Variants in NOTCH1 observed in about 807,000 individuals in gnomAD.
NOTCH1 encodes the protein notch receptor 1.
A neutral mutation model predicts 254.8 loss-of-function variants in NOTCH1; 37 were observed. That is an observed-to-expected ratio of 0.15 (90% confidence interval 0.11 to 0.19). The LOEUF (loss-of-function observed/expected upper bound fraction) is 0.19, where lower values mean the gene tolerates loss of function less well. Ranked by LOEUF, NOTCH1 falls within the 10% of genes least tolerant of loss-of-function variation. NOTCH1 has a pLI of 1.00. For missense variants in NOTCH1, 2,972 were observed against 3,708.6 expected (o/e 0.80, Z 5.16); for synonymous variants, 1,731 against 1,618.1 (o/e 1.07, Z -1.68).
At chr9:136,544,423 G>C (rs952400879) in intron 1 of NOTCH1, among the ~76,000 whole-genome samples, 5 of 152,190 alleles carry the variant, frequency 3.3e-5, no homozygotes, top group African/African-American at 1.2e-4. Flanking sequence ...GAAAAGCAGA[G>C]ACAAAGTGGG....
intron 9 of NOTCH1, 113 bp downstream of exon 9, chr9:136,517,159 A>C: frequency 1.5e-6 from 1 of 665,150 alleles, no homozygotes; most frequent in East Asian, 2.9e-5. Flanking sequence ...CTCACCCCTC[A>C]GGAGGCCGGG....
At chr9:136,532,776 G>A (rs956397308) in intron 2 of NOTCH1, among the ~76,000 whole-genome samples, 7 of 152,184 alleles carry the variant, frequency 4.6e-5, no homozygotes, top group African/African-American at 1.2e-4. Context: ...GCCCGGGGTC[G>A]CACGGCCCAC....
At chr9:136,525,336 C>CA (rs1279490187) in intron 2 of NOTCH1, among the ~76,000 whole-genome samples, 4 of 152,240 alleles carry the variant, frequency 2.6e-5, no homozygotes, top group African/African-American at 7.2e-5. Flanking sequence ...CTGCCCCCCC[C>CA]AGCCACCTGC....
Position 136,505,653 on chromosome 9 carries a change from G to A in NOTCH1, c.4243C>T (p.Leu1415=), listed in dbSNP as rs910378767. The A allele has an allele frequency of 3.1e-6, 5 of 1,612,156 alleles. No individual in the cohort carries two copies. The highest frequency in any genetic ancestry group is 1.1e-5 in the South Asian group (1 of 91,038). Residue 1415 remains leucine, a synonymous_variant, in exon 25 of 34, where the codon CTG becomes TTG. Transcript: ENST00000651671. ...AGCCCGTTGAATTTGGCGGGGCACA[G>A]GCAACGGTAGAAGGGGCTCTCGGAT... The part of the protein sequence containing the change: ...PTSESPFYRC[L]CPAKFNGLLC...
chr9:136,529,848 C>T (rs749944234), intron 2 of NOTCH1, among the ~76,000 whole-genome samples: 3 of 152,256 alleles, frequency 2.0e-5, no homozygotes, highest in Non-Finnish European at 4.4e-5. Flanking sequence ...CACCACCAGG[C>T]CTGTTCACCG....
intron 26 of NOTCH1, 42 bp downstream of exon 26, chr9:136,504,631 G>T (rs760109648): frequency 1.4e-5 from 20 of 1,476,352 alleles, no homozygotes; most frequent in Non-Finnish European, 1.8e-5. Context: ...GAGGGCCCAG[G>T]AGAGTTGCGG....
rs1843796762 is a variant in NOTCH1 at position 136,545,215 on chromosome 9, G to A, written c.61+511C>T. On this transcript the variant is annotated intron_variant, in intron 1 of 33. Coordinates refer to ENST00000651671, the MANE Select transcript of NOTCH1 (RefSeq NM_017617.5). This position sits in a 1 kb window ranked among gnomAD's most constrained non-coding sequence, Gnocchi z 6.8. ...CGGGCGGGGCGACCGGGAGCCCGGG[G>A]ACCCAGCCCGGCCGCGCGGGTCAGT... Among the ~76,000 whole-genome samples, 1 of 152,044 alleles carries A rather than the reference G, an allele frequency of 6.6e-6. No individual in the cohort carries two copies. Among genetic ancestry groups the A allele is most frequent in the East Asian group, 1.9e-4 (1 of 5,166 alleles).
intron 4 of NOTCH1, among the ~76,000 whole-genome samples, chr9:136,519,978 G>A (rs1843341089): frequency 6.6e-6 from 1 of 152,178 alleles, no homozygotes; most frequent in African/African-American, 2.4e-5. Flanking sequence ...CATGGGGCCA[G>A]CAGGCTGCTG....
rs2133328590 is a variant in NOTCH1, at chr9:136,501,777, T to G, written c.5609A>C (p.Asp1870Ala). Residue 1870 changes from aspartate (D) to alanine (A), a missense_variant, in exon 30 of 34, where the codon GAC becomes GCC. Asp to Ala is a moderately radical substitution (Grantham distance 126, BLOSUM62 -2). Around this residue, in one of 8 missense-constraint regions of NOTCH1, gnomAD observed 421 missense variants for 604.4 expected, o/e 0.70. Transcript: ENST00000651671. ...CCCGCGGACATTGACGTCCATGCAG[T>G]CGGCGTCAACCTCACCCTGGGGCGG... ...PTPPQGEVDA[D>A]CMDVNVRGPD... The G allele has an allele frequency of 5.6e-6, 9 of 1,612,492 alleles. No homozygotes were observed. The highest frequency in any genetic ancestry group is 6.8e-6 in the Non-Finnish European group (8 of 1,179,960).
rs3812597 is a variant in NOTCH1 at position 136,499,139 on chromosome 9, C to T, written c.6055G>A (p.Ala2019Thr). Reference protein sequence around the residue: ...GMLEDLINSHADVNAVDDLGK... With the variant: ...GMLEDLINSHTDVNAVDDLGK... Reference sequence around the variant, plus strand: ...AGGTCATCTACGGCGTTGACGTCGGCGTGTGAGTTGATGAGGTCCTCCAGC... The same window carrying T: ...AGGTCATCTACGGCGTTGACGTCGGTGTGTGAGTTGATGAGGTCCTCCAGC... The change falls in exon 32 of 34, where the codon GCC becomes ACC. Residue 2019 changes from alanine to threonine, a missense_variant. Coordinates refer to ENST00000651671, the MANE Select transcript of NOTCH1 (RefSeq NM_017617.5). The T allele has an allele frequency of 8.1e-6, 13 of 1,613,124 alleles. No homozygotes were observed. Among genetic ancestry groups the T allele is most frequent in the Non-Finnish European group, 1.1e-5 (13 of 1,180,012 alleles).
Position 136,507,404 on chromosome 9 carries a change from C to T in NOTCH1, c.3544G>A (p.Glu1182Lys). The T allele has an allele frequency of 6.2e-7, 1 of 1,610,926 alleles. No homozygotes were observed. The change falls in exon 22 of 34, where the codon GAG becomes AAG. Residue 1182 changes from glutamate (E) to lysine (K), a missense_variant. By Grantham distance (56) the Glu-to-Lys change is moderately conservative. This residue lies in a region of NOTCH1 where 1,343 missense variants were observed against 1,557.0 expected (regional missense o/e 0.86). Coordinates refer to ENST00000651671, the MANE Select transcript of NOTCH1 (RefSeq NM_017617.5). The part of the protein sequence containing the change: ...VAGYHGVNCS[E>K]EIDECLSHPC... ...TGGGAGAGGCACTCGTCGATCTCCT[C>T]AGAGCAGTTCACCCCGTGGTAGCCG...
intron 27 of NOTCH1, chr9:136,502,858 CTCTTTT>C (rs1843022058): frequency 1.7e-6 from 1 of 588,564 alleles, no homozygotes; most frequent in Non-Finnish European, 3.1e-6. Flanking sequence ...TTCTCTCTCT[CTCTTTT>C]TTTTTCTTTA....
chr9:136,526,208 G>A (rs995583265), intron 2 of NOTCH1, among the ~76,000 whole-genome samples: 11 of 152,250 alleles, frequency 7.2e-5, no homozygotes, highest in African/African-American at 1.7e-4. Context: ...GAGGTGGAGC[G>A]GCCGCTGGGA....
In NOTCH1 at chr9:136,499,223, G is replaced by A. The variant is rs759553984; in HGVS notation, c.5971C>T (p.Arg1991Cys). 9 of 1,613,150 alleles carry A rather than the reference G, an allele frequency of 5.6e-6. No individual in the cohort carries two copies. The highest frequency in any genetic ancestry group is 3.3e-5 in the Admixed American group (2 of 60,006). Residue 1991 changes from arginine (R) to cysteine (C), a missense_variant, in exon 32 of 34, where the codon CGC (arginine) becomes TGC (cysteine). This residue lies in a region of NOTCH1 where 421 missense variants were observed against 604.4 expected (regional missense o/e 0.70). Coordinates refer to ENST00000651671, the MANE Select transcript of NOTCH1 (RefSeq NM_017617.5). ...AGTGGCGTCGTGCCATCATGCATGC[G>A]GGCATCCAGGTCTGTGGCTCGGTTC... Reference protein sequence around the residue: ...IRNRATDLDARMHDGTTPLIL... With the variant: ...IRNRATDLDACMHDGTTPLIL...
At position 136,544,035 on chromosome 9, in the gene NOTCH1, C is replaced by T. The variant is rs1315927271; in HGVS notation, c.129G>A (p.Thr43=). 6.4e-7 allele frequency: 1 copy of T among 1,573,346 alleles called. No homozygotes were observed. Among genetic ancestry groups the T allele is most frequent in the East Asian group, 2.3e-5 (1 of 42,708 alleles). ...GGGGTGGTACTCACACGCAGGCCTC[C>T]GTGCCATTGGCCGCTTCACACTTCC... ...NGGKCEAANG[T]EACVCGGAFV... is the part of the protein sequence containing the mutation. The change falls in exon 2 of 34, where the codon ACG becomes ACA. Residue 43 remains threonine (T), a synonymous_variant. Coordinates refer to ENST00000651671, the MANE Select transcript of NOTCH1 (RefSeq NM_017617.5).
In NOTCH1 at chr9:136,510,625, A is replaced by C. The variant is rs368471833; in HGVS notation, c.2740+28T>G. On this transcript the variant is annotated intron_variant, in intron 17 of 33. Coordinates refer to ENST00000651671, the MANE Select transcript of NOTCH1 (RefSeq NM_017617.5). ...GAACTGAGGCCTGAGAGCTTCCTGG[A>C]GGAGGCCAGAGCCGCGGGGCTACTC... 1.9e-5 allele frequency: 30 copies of C among 1,595,120 alleles called. No individual in the cohort carries two copies. In the African/African-American group the frequency reaches 2.5e-4, roughly 14 times the overall value.
In NOTCH1 at chr9:136,496,478, C is replaced by T. The variant is rs373874935; in HGVS notation, c.7261G>A (p.Val2421Met). 19 of 1,601,208 alleles carry T rather than the reference C, an allele frequency of 1.2e-5. No homozygotes were observed. Among genetic ancestry groups the T allele is most frequent in the Middle Eastern group, 1.6e-4 (1 of 6,072 alleles). ...AGGTGGCCGCTGGCTGCTGAGCTCACGCCAAGGTGCGGCTGTGGTGGTGGT... is the reference window on the plus strand; with the variant it reads ...AGGTGGCCGCTGGCTGCTGAGCTCATGCCAAGGTGCGGCTGTGGTGGTGGT... ...PPPPPQPHLG[V>M]SSAASGHLGR... Residue 2421 changes from valine (V) to methionine (M), a missense_variant, in exon 34 of 34, where the codon GTG becomes ATG. Coordinates refer to ENST00000651671, the MANE Select transcript of NOTCH1 (RefSeq NM_017617.5).
intron 2 of NOTCH1, among the ~76,000 whole-genome samples, chr9:136,534,775 G>T (rs1047091876): frequency 6.6e-6 from 1 of 151,896 alleles, no homozygotes; most frequent in African/African-American, 2.4e-5. Flanking sequence ...AGGTGTGGAT[G>T]TCAGAGGCAA....
chr9:136,512,749 C>T (rs1263733575), intron 15 of NOTCH1, among the ~76,000 whole-genome samples: 1 of 152,182 alleles, frequency 6.6e-6, no homozygotes, highest in Admixed American at 6.5e-5. Context: ...AAATTTTCTC[C>T]CAGGCATCCT....
Sources: allele counts gnomAD v4.1 joint callset (sites outside exome capture counted in the v4.1 genomes callset), GRCh38; gene constraint gnomAD v4.1.1; regional missense constraint gnomAD v4.1.1; non-coding constraint Gnocchi (gnomAD v3.1); transcripts MANE v1.5; gene names NCBI Gene and HGNC (gene_info 2026-07-23, HGNC 2026-07-21).